Variants in QPRT observed in about 807,000 individuals in gnomAD.
The protein encoded by QPRT is nicotinate-nucleotide pyrophosphorylase [carboxylating].
A neutral mutation model predicts 19.8 loss-of-function variants in QPRT; 17 were observed. That is an observed-to-expected ratio of 0.86 (90% confidence interval 0.59 to 1.29). The LOEUF (loss-of-function observed/expected upper bound fraction) is 1.29. Among genes scored for constraint, QPRT ranks in the 50% most tolerant of loss-of-function variants. The pLI is 0.00. For missense variants in QPRT, 336 were observed against 405.1 expected (o/e 0.83, Z 1.46); for synonymous variants, 178 against 191.0 (o/e 0.93, Z 0.56).
chr16:29,686,101 C>T (rs1310290269), intron 1 of QPRT, among the ~76,000 whole-genome samples: 1 of 152,150 alleles, frequency 6.6e-6, no homozygotes, highest in African/African-American at 2.4e-5. Context: ...CTCAGGTGAT[C>T]GGCCCACCTC....
At chr16:29,682,625 C>T (rs778829640) in intron 1 of QPRT, among the ~76,000 whole-genome samples, 3 of 152,114 alleles carry the variant, frequency 2.0e-5, no homozygotes, top group Non-Finnish European at 4.4e-5. Context: ...GGTGATCCAC[C>T]CACCTTGGCC....
chr16:29,679,654 G>C (rs1966933117), intron 1 of QPRT, among the ~76,000 whole-genome samples: 1 of 152,136 alleles, frequency 6.6e-6, no homozygotes, highest in Non-Finnish European at 1.5e-5. Flanking sequence ...CCTGGAGGGA[G>C]CTGTATGCAA....
At chr16:29,685,444 C>T (rs764043794) in intron 1 of QPRT, among the ~76,000 whole-genome samples, 3 of 152,168 alleles carry the variant, frequency 2.0e-5, no homozygotes, top group Middle Eastern at 3.2e-3. Context: ...GCACTCCAGC[C>T]CAGGCGACAG....
At chr16:29,682,123 G>A (rs1407591281) in intron 1 of QPRT, among the ~76,000 whole-genome samples, 1 of 151,924 alleles carries the variant, frequency 6.6e-6, no homozygotes, top group Non-Finnish European at 1.5e-5. Flanking sequence ...TCCAACTTCT[G>A]GGCTCAAGTG....
chr16:29,690,783 T>C (rs931681144), intron 1 of QPRT, among the ~76,000 whole-genome samples: 1 of 152,096 alleles, frequency 6.6e-6, no homozygotes, highest in Non-Finnish European at 1.5e-5. Context: ...TCCGCCTCCC[T>C]GGTTCAAGTG....
At chr16:29,681,459 G>A (rs1278236291) in intron 1 of QPRT, among the ~76,000 whole-genome samples, 3 of 150,546 alleles carry the variant, frequency 2.0e-5, no homozygotes, top group Non-Finnish European at 4.4e-5. Flanking sequence ...ATTTTTCTGG[G>A]AAGGAGATCC....
At chr16:29,680,008 A>G (rs1190980784) in intron 1 of QPRT, among the ~76,000 whole-genome samples, 3 of 140,860 alleles carry the variant, frequency 2.1e-5, no homozygotes, top group Admixed American at 7.6e-5. Flanking sequence ...CCCAGGCTGG[A>G]GTGCAGTGGC....
chr16:29,694,569 A>C, intron 1 of QPRT, 95 bp from the exon 2 acceptor site: 2 of 1,194,390 alleles, frequency 1.7e-6, no homozygotes, highest in Non-Finnish European at 2.2e-6. Flanking sequence ...CTGATGGGCC[A>C]GTTCCCAGTT....
Position 29,695,192 on chromosome 16 carries a change from T to C in QPRT, c.542T>C (p.Val181Ala). Residue 181 changes from valine to alanine, a missense_variant, in exon 2 of 4, where the codon GTG becomes GCG. Val to Ala is a moderately conservative substitution (Grantham distance 64, BLOSUM62 0). Transcript: ENST00000395384. Reference protein sequence around the residue: ...KDNHVVAAGGVEKAVRAARQA... With the variant: ...KDNHVVAAGGAEKAVRAARQA... ...AACCATGTGGTGGCCGCCGGTGGCG[T>C]GGAGAAGGTGCTGGTCCTGCCTGTC... 1 of 1,543,610 alleles carries C rather than the reference T, an allele frequency of 6.5e-7. No homozygotes were observed. Among genetic ancestry groups the C allele is most frequent in the Non-Finnish European group, 8.7e-7 (1 of 1,143,084 alleles).
At position 29,697,323 on chromosome 16, in the gene QPRT, T is replaced by C. The variant is rs1183026703; in HGVS notation, c.806T>C (p.Met269Thr). ...FCGPHIDVIS[M>T]GMLTQAAPAL... ...GGGCCGCACATAGACGTCATCTCCA[T>C]GGGGATGCTGACCCAGGCGGCCCCA... is the stretch of plus-strand genomic sequence containing the variant. The change falls in exon 4 of 4, where the codon ATG (methionine) becomes ACG (threonine). Residue 269 changes from methionine (M) to threonine (T), a missense_variant. Physicochemically the swap from Met to Thr is moderately conservative, Grantham distance 81. Transcript: ENST00000395384. This position sits in a 1 kb window ranked among gnomAD's most constrained non-coding sequence, Gnocchi z 4.4. 20 of 1,614,028 alleles carry C rather than the reference T, an allele frequency of 1.2e-5. No individual in the cohort carries two copies. The highest frequency in any genetic ancestry group is 1.7e-5 in the Non-Finnish European group (20 of 1,180,004).
intron 1 of QPRT, among the ~76,000 whole-genome samples, chr16:29,691,888 AG>A (rs1273420041): frequency 6.6e-6 from 1 of 152,066 alleles, no homozygotes; most frequent in African/African-American, 2.4e-5. Context: ...GGGGTGAGTG[AG>A]TGGAGACTCA....
intron 1 of QPRT, among the ~76,000 whole-genome samples, chr16:29,680,798 G>C (rs1430367580): frequency 6.6e-6 from 1 of 152,046 alleles, no homozygotes; most frequent in African/African-American, 2.4e-5. Flanking sequence ...AAAATTAGCC[G>C]AGTGTGGTGG....
chr16:29,697,471 G>A lies in QPRT; in HGVS notation c.*60G>A. On this transcript the variant is annotated 3_prime_UTR_variant, in exon 4 of 4. Transcript: ENST00000395384. This position sits in a 1 kb window ranked among gnomAD's most constrained non-coding sequence, Gnocchi z 4.4. ...TTAACGTGGCTCCTCAGGACCCTCT[G>A]GGTCACACATCTTTAGGGTCAGTGG... 1 of 1,514,684 alleles carries A rather than the reference G, an allele frequency of 6.6e-7. No individual in the cohort carries two copies. Among genetic ancestry groups the A allele is most frequent in the Non-Finnish European group, 9.0e-7 (1 of 1,115,786 alleles). The allele number at this position is 1,514,684 out of a possible 1,614,324, so 93.8% of individuals were successfully genotyped here. A position where few individuals can be genotyped will look rare whatever the true frequency, so the allele number is the denominator to read the frequency against.
intron 1 of QPRT, among the ~76,000 whole-genome samples, chr16:29,687,865 GC>G (rs2142302431): frequency 6.6e-6 from 1 of 151,604 alleles, no homozygotes; most frequent in African/African-American, 2.4e-5. Context: ...GCATGGTGGA[GC>G]AGCTACTCAG....
In QPRT at chr16:29,694,769, G is replaced by A. The variant is rs1475581925; in HGVS notation, c.119G>A (p.Gly40Asp). ...LNYAALVSGAGPSQAALWAKS... is the reference protein window; with the variant it reads ...LNYAALVSGADPSQAALWAKS... ...TACGCAGCCTTGGTCAGCGGGGCAGGCCCCTCGCAGGCGGCGCTGTGGGCC... is the reference window on the plus strand; with the variant it reads ...TACGCAGCCTTGGTCAGCGGGGCAGACCCCTCGCAGGCGGCGCTGTGGGCC... The change falls in exon 2 of 4, where the codon GGC becomes GAC. Residue 40 changes from glycine (G) to aspartate (D), a missense_variant. Physicochemically the swap from Gly to Asp is moderately conservative, Grantham distance 94. Transcript: ENST00000395384. 6.8e-6 allele frequency: 11 copies of A among 1,613,298 alleles called. No individual in the cohort carries two copies. The highest frequency in any genetic ancestry group is 1.3e-5 in the African/African-American group (1 of 74,932).
chr16:29,697,724 A>T lies in QPRT; in HGVS notation c.*313A>T. 1 of 282,114 alleles carries T rather than the reference A, an allele frequency of 3.5e-6. No individual in the cohort carries two copies. The allele number at this position is 282,114 out of a possible 1,614,324, so 17.5% of individuals were successfully genotyped here. ...GGGACAGCCGGGCACGATGGCTCAC[A>T]CCTGTAATCCCAGCACTTTGGGAGG... On this transcript the variant is annotated 3_prime_UTR_variant, in exon 4 of 4. Coordinates refer to ENST00000395384, the MANE Select transcript of QPRT (RefSeq NM_014298.6). This position sits in a 1 kb window ranked among gnomAD's most constrained non-coding sequence, Gnocchi z 4.4.
At chr16:29,682,018 G>A (rs1323006766) in intron 1 of QPRT, among the ~76,000 whole-genome samples, 1 of 151,742 alleles carries the variant, frequency 6.6e-6, no homozygotes, top group Non-Finnish European at 1.5e-5. Context: ...GTGAGCCACC[G>A]CACCCGGCCT....
intron 1 of QPRT, among the ~76,000 whole-genome samples, chr16:29,684,947 G>A (rs1412952176): frequency 1.3e-5 from 2 of 152,088 alleles, no homozygotes; most frequent in Admixed American, 6.6e-5. Context: ...ACTCAGTGGG[G>A]TCACCGCCCC....
In QPRT at chr16:29,697,228, G is replaced by C; in HGVS notation, c.711G>C (p.Lys237Asn). ...EELHPTATVLKAQFPSVAVEA... is the reference protein window; with the variant it reads ...EELHPTATVLNAQFPSVAVEA... ...TGCACCCCACGGCCACCGTGCTGAA[G>C]GCCCAGTTCCCGAGTGTGGCTGTGG... The change falls in exon 4 of 4, where the codon AAG becomes AAC. Residue 237 changes from lysine (K) to asparagine (N), a missense_variant. By Grantham distance (94) the Lys-to-Asn change is moderately conservative (BLOSUM62 0). Coordinates refer to ENST00000395384, the MANE Select transcript of QPRT (RefSeq NM_014298.6). The surrounding 1 kb of genome is among the most constrained non-coding windows in gnomAD (Gnocchi z 4.4). 1 of 1,613,476 alleles carries C rather than the reference G, an allele frequency of 6.2e-7. No homozygotes were observed. Among genetic ancestry groups the C allele is most frequent in the Non-Finnish European group, 8.5e-7 (1 of 1,179,608 alleles).
Sources: gnomAD v4.1 joint callset for allele counts (sites outside exome capture counted in the v4.1 genomes callset) on GRCh38, gnomAD v4.1.1 for gene constraint, Gnocchi (gnomAD v3.1) non-coding constraint, MANE v1.5 for transcripts, NCBI Gene and HGNC (gene_info 2026-07-23, HGNC 2026-07-21) for gene names.